The following ARHGEF17 variants were observed in gnomAD, a reference collection of about 807,000 sequenced individuals.
ARHGEF17 encodes the protein Rho guanine nucleotide exchange factor 17.
Under a neutral mutation model 174.0 loss-of-function variants are expected in ARHGEF17, and 80 were observed. The ratio of observed to expected loss-of-function variants is 0.46; its 90% CI spans 0.38 to 0.55. The LOEUF is 0.55. Ranked by LOEUF, ARHGEF17 falls within the 20% of genes least tolerant of loss-of-function variation. The pLI is 0.00. For synonymous variants in ARHGEF17, 1,311 were observed against 1,189.1 expected, an observed-to-expected ratio of 1.10 and a Z score of -2.11; for missense variants, 2,886 against 2,839.7, an observed-to-expected ratio of 1.02 and a Z score of -0.37.
intron 14 of ARHGEF17, 137 bp from the exon 15 acceptor site, chr11:73,363,069 A>T: frequency 8.1e-7 from 1 of 1,235,938 alleles, no homozygotes; most frequent in Admixed American, 2.9e-5. Context: ...AGGGCAGCAG[A>T]CCGGAGCAGG....
chr11:73,323,393 G>A (rs1047332353), intron 1 of ARHGEF17, among the ~76,000 whole-genome samples: 2 of 152,216 alleles, frequency 1.3e-5, no homozygotes, highest in Non-Finnish European at 2.9e-5. Context: ...TCCACAGGCA[G>A]GCATCCTTGC....
chr11:73,323,625 C>T (rs534130973), intron 1 of ARHGEF17, among the ~76,000 whole-genome samples: 1 of 152,326 alleles, frequency 6.6e-6, no homozygotes, highest in East Asian at 1.9e-4. Flanking sequence ...GCTCCTGCCG[C>T]TCCTGGGCCC....
chr11:73,333,722 G>A (rs1363858545), intron 1 of ARHGEF17, among the ~76,000 whole-genome samples: 1 of 152,154 alleles, frequency 6.6e-6, no homozygotes, highest in Non-Finnish European at 1.5e-5. Context: ...GGGGAGGTAG[G>A]GGCCACAGTG....
chr11:73,336,808 A>G (rs1379600880), intron 1 of ARHGEF17, among the ~76,000 whole-genome samples: 1 of 152,126 alleles, frequency 6.6e-6, no homozygotes, highest in Non-Finnish European at 1.5e-5. Context: ...GGCTGGAATT[A>G]CCTTGAAGGC....
chr11:73,351,439 T>C (rs1591752576), intron 2 of ARHGEF17, among the ~76,000 whole-genome samples: 1 of 152,212 alleles, frequency 6.6e-6, no homozygotes, highest in East Asian at 1.9e-4. Flanking sequence ...TGCACGTAGA[T>C]TTGACGTAAA....
chr11:73,335,445 C>G (rs1313938909), intron 1 of ARHGEF17, among the ~76,000 whole-genome samples: 1 of 152,106 alleles, frequency 6.6e-6, no homozygotes, highest in African/African-American at 2.4e-5. Context: ...TCCTGCTTCC[C>G]GCTATTATCC....
rs146366161 is a variant in ARHGEF17, at chr11:73,321,836, G to A, written c.3192+10006G>A. On this transcript the variant is annotated intron_variant, in intron 1 of 20. Coordinates refer to ENST00000263674, the MANE Select transcript of ARHGEF17 (RefSeq NM_014786.4). ...GGGGTCTGGAGAGGTGCAGCAGGTCGGGGGCCAGTGGGAAGGCAGTGGGGG... is the reference window on the plus strand; with the variant it reads ...GGGGTCTGGAGAGGTGCAGCAGGTCAGGGGCCAGTGGGAAGGCAGTGGGGG... 2.8e-4 allele frequency among the ~76,000 whole-genome samples: 43 copies of A among 152,318 alleles called. No individual in the cohort carries two copies. In the East Asian group the frequency reaches 7.5e-3, roughly 27 times the overall value.
chr11:73,363,711 C>G, intron 15 of ARHGEF17, 36 bp from the exon 16 acceptor site: 1 of 1,611,686 alleles, frequency 6.2e-7, no homozygotes, highest in East Asian at 2.2e-5. Flanking sequence ...TGGTGTGCCC[C>G]AAGCATTTGT....
intron 1 of ARHGEF17, among the ~76,000 whole-genome samples, chr11:73,327,173 T>TG (rs923823376): frequency 1.6e-4 from 24 of 152,108 alleles, no homozygotes; most frequent in Non-Finnish European, 4.4e-5. Context: ...GACAAACTGT[T>TG]GGAGTGGTGG....
intron 4 of ARHGEF17, 86 bp downstream of exon 4, chr11:73,355,735 A>G (rs1295113547): frequency 7.7e-6 from 12 of 1,558,292 alleles, no homozygotes; most frequent in Non-Finnish European, 1.1e-5. Flanking sequence ...CGTGGGTACC[A>G]TAGTCCCAGC....
intron 10 of ARHGEF17, 128 bp from the exon 11 acceptor site, chr11:73,360,192 A>C (rs1219078438): frequency 1.3e-5 from 14 of 1,093,570 alleles, no homozygotes; most frequent in Non-Finnish European, 1.7e-5. Context: ...TATCAAAGGA[A>C]TCCAGGTCTG....
intron 1 of ARHGEF17, among the ~76,000 whole-genome samples, chr11:73,314,508 G>T (rs1864896851): frequency 6.6e-6 from 1 of 152,220 alleles, no homozygotes; most frequent in African/African-American, 2.4e-5. Flanking sequence ...ACAGTGGGAG[G>T]TTAGACTGCC....
chr11:73,318,741 G>A (rs886411546), intron 1 of ARHGEF17, among the ~76,000 whole-genome samples: 1 of 152,242 alleles, frequency 6.6e-6, no homozygotes, highest in Non-Finnish European at 1.5e-5. Flanking sequence ...GAGCACACCC[G>A]AGGTGGGAAG....
chr11:73,342,790 G>A (rs2134408308), intron 1 of ARHGEF17: 1 of 152,140 alleles, frequency 6.6e-6, no homozygotes, highest in East Asian at 1.9e-4. Context: ...GGGTCCGTGA[G>A]CGGACGCTGC....
chr11:73,344,526 G>A (rs1347361167), intron 1 of ARHGEF17, among the ~76,000 whole-genome samples: 3 of 152,348 alleles, frequency 2.0e-5, no homozygotes, highest in African/African-American at 7.2e-5. Flanking sequence ...GGCCTGATGG[G>A]CCGTTGTGTG....
At chr11:73,334,263 G>A (rs536369062) in intron 1 of ARHGEF17, among the ~76,000 whole-genome samples, 52 of 152,298 alleles carry the variant, frequency 3.4e-4, no homozygotes, top group African/African-American at 1.2e-3. Flanking sequence ...AGGGAGGGTG[G>A]AGGACTTAAA....
intron 1 of ARHGEF17, among the ~76,000 whole-genome samples, chr11:73,320,903 C>T (rs955281659): frequency 6.6e-6 from 1 of 152,192 alleles, no homozygotes; most frequent in Non-Finnish European, 1.5e-5. Context: ...CTCAAGTAAT[C>T]TTCCCGCCTT....
chr11:73,345,390 C>A (rs1177426815), intron 1 of ARHGEF17, among the ~76,000 whole-genome samples: 2 of 152,120 alleles, frequency 1.3e-5, no homozygotes, highest in Admixed American at 6.5e-5. Flanking sequence ...CCACTGAGTT[C>A]CTAGCATGGG....
At chr11:73,355,477 G>A (rs2134417057) in intron 3 of ARHGEF17, 56 bp from the exon 4 acceptor site, 2 of 1,143,908 alleles carry the variant, frequency 1.7e-6, no homozygotes, top group Non-Finnish European at 2.6e-6. Context: ...ACTAGGACAG[G>A]GTGAGGTGGG....
Sources: allele counts gnomAD v4.1 joint callset (sites outside exome capture counted in the v4.1 genomes callset), GRCh38; gene constraint gnomAD v4.1.1; transcripts MANE v1.5; gene names NCBI Gene and HGNC (gene_info 2026-07-23, HGNC 2026-07-21).